The following MAPK8 variants were observed in gnomAD, a reference collection of about 807,000 sequenced individuals.
MAPK8 encodes the protein mitogen-activated protein kinase 8, also known as JUN N-terminal kinase.
Under a neutral mutation model 52.9 loss-of-function variants are expected in MAPK8, and 13 were observed. The observed-to-expected ratio is 0.25, with a 90% confidence interval of 0.16 to 0.39. The LOEUF (loss-of-function observed/expected upper bound fraction) is 0.39, where lower values mean the gene tolerates loss of function less well. MAPK8 is among the 10% of genes least tolerant of loss of function. The pLI is 1.00. For missense variants in MAPK8, 300 were observed against 519.2 expected, an observed-to-expected ratio of 0.58 and a Z score of 4.10; for synonymous variants, 191 against 169.8, an observed-to-expected ratio of 1.12 and a Z score of -0.97.
At chr10:48,388,711 A>C (rs544859892) in intron 1 of MAPK8, among the ~76,000 whole-genome samples, 1 of 152,142 alleles carries the variant, frequency 6.6e-6, no homozygotes, top group Non-Finnish European at 1.5e-5. Flanking sequence ...CCAGGTGAGA[A>C]TGGGAGTAAA....
chr10:48,412,917 A>G (rs1317996751), intron 5 of MAPK8, among the ~76,000 whole-genome samples: 1 of 151,796 alleles, frequency 6.6e-6, no homozygotes, highest in Non-Finnish European at 1.5e-5. Context: ...TGAAGATGCA[A>G]CTCTCCACCC....
chr10:48,372,891 CAA>C (rs1259046506), intron 1 of MAPK8, among the ~76,000 whole-genome samples: 1 of 152,044 alleles, frequency 6.6e-6, no homozygotes, highest in Non-Finnish European at 1.5e-5. Flanking sequence ...GAGAACACCA[CAA>C]AGATATTCCT....
intron 1 of MAPK8, among the ~76,000 whole-genome samples, chr10:48,387,676 C>G (rs561676898): frequency 6.6e-6 from 1 of 152,288 alleles, no homozygotes; most frequent in East Asian, 1.9e-4. Flanking sequence ...TCCTAGGAAG[C>G]TTATGCCCTT....
intron 7 of MAPK8, chr10:48,425,293 C>T (rs1589266921): frequency 3.2e-6 from 2 of 620,252 alleles, no homozygotes; most frequent in Non-Finnish European, 2.9e-6. Context: ...AAATCCTAAC[C>T]TTACAACTTA....
chr10:48,375,210 C>G (rs71221369), intron 1 of MAPK8, among the ~76,000 whole-genome samples: 3 of 152,170 alleles, frequency 2.0e-5, no homozygotes, highest in South Asian at 4.1e-4. Flanking sequence ...TAAATACTCT[C>G]AATAAACTAG....
intron 1 of MAPK8, among the ~76,000 whole-genome samples, chr10:48,352,876 C>CA (rs1224703111): frequency 3.3e-5 from 5 of 152,120 alleles, no homozygotes; most frequent in East Asian, 3.9e-4. Flanking sequence ...AAGTAATCTA[C>CA]AAAAAATCTG....
At chr10:48,313,705 T>A in intron 1 of MAPK8, among the ~76,000 whole-genome samples, 1 of 152,254 alleles carries the variant, frequency 6.6e-6, no homozygotes, top group East Asian at 1.9e-4. Flanking sequence ...TTTTATTTAA[T>A]GTAAGTTGTT....
At chr10:48,405,943 C>A (rs1279927224) in intron 3 of MAPK8, among the ~76,000 whole-genome samples, 1 of 152,058 alleles carries the variant, frequency 6.6e-6, no homozygotes, top group African/African-American at 2.4e-5. Context: ...GGGGAGCTTA[C>A]AATGGTGTTT....
At chr10:48,428,958 A>G (rs1057370776) in intron 10 of MAPK8, among the ~76,000 whole-genome samples, 2 of 151,330 alleles carry the variant, frequency 1.3e-5, no homozygotes, top group African/African-American at 4.9e-5. Flanking sequence ...CGTAGCTGGG[A>G]TCACAGGTGT....
chr10:48,351,415 T>C (rs2132437760), intron 1 of MAPK8, among the ~76,000 whole-genome samples: 1 of 151,838 alleles, frequency 6.6e-6, no homozygotes, highest in African/African-American at 2.4e-5. Context: ...CTCGCTATGG[T>C]GCCCAGGCTG....
chr10:48,408,172 TTA>T (rs2133057458), intron 3 of MAPK8, among the ~76,000 whole-genome samples: 1 of 152,338 alleles, frequency 6.6e-6, no homozygotes, highest in South Asian at 2.1e-4. Context: ...GCAAACATTT[TTA>T]TATGTGTGTC....
intron 1 of MAPK8, among the ~76,000 whole-genome samples, chr10:48,347,560 G>A (rs1845909806): frequency 6.6e-6 from 1 of 152,006 alleles, no homozygotes; most frequent in Non-Finnish European, 1.5e-5. Flanking sequence ...TCCCCACCCC[G>A]CAACAGGCCC....
Position 48,420,332 on chromosome 10 carries a change from C to A in MAPK8, c.616+12C>A. ...CTACAAGGAAAACGGTCAGCACACA[C>A]ATTTATTTGAAATATTTTTCTGATT... On this transcript the variant is annotated intron_variant, in intron 6 of 11. Coordinates refer to ENST00000374189, the MANE Select transcript of MAPK8 (RefSeq NM_001323329.2). The A allele has an allele frequency of 6.4e-7, 1 of 1,551,154 alleles. No homozygotes were observed. Among genetic ancestry groups the A allele is most frequent in the Non-Finnish European group, 8.7e-7 (1 of 1,145,662 alleles).
intron 1 of MAPK8, among the ~76,000 whole-genome samples, chr10:48,313,388 G>A (rs1026727661): frequency 3.4e-5 from 5 of 148,344 alleles, no homozygotes; most frequent in Non-Finnish European, 7.4e-5. Context: ...AGCTGAGATC[G>A]TGCCACTACA....
At chr10:48,414,497 G>A (rs2042952716) in intron 5 of MAPK8, among the ~76,000 whole-genome samples, 1 of 141,216 alleles carries the variant, frequency 7.1e-6, no homozygotes. Context: ...CTGTCACTCA[G>A]GCCAGGATGC....
At chr10:48,413,818 TATATATATATATATATATATATATA>T (rs1564603873) in intron 5 of MAPK8, among the ~76,000 whole-genome samples, 1 of 58,934 alleles carries the variant, frequency 1.7e-5, no homozygotes, top group African/African-American at 6.5e-5. Flanking sequence ...AGAATTGTTA[TATATATATATATATATATATATATA>T]TATATATATA....
At chr10:48,363,835 A>T (rs1033949213) in intron 1 of MAPK8, among the ~76,000 whole-genome samples, 1 of 152,118 alleles carries the variant, frequency 6.6e-6, no homozygotes, top group Non-Finnish European at 1.5e-5. Context: ...CTTTACATAT[A>T]TGTGATGGCA....
chr10:48,352,814 A>G (rs1036044837), intron 1 of MAPK8, among the ~76,000 whole-genome samples: 2 of 152,230 alleles, frequency 1.3e-5, no homozygotes, highest in African/African-American at 2.4e-5. Flanking sequence ...AAAAGGAGAA[A>G]TGAAACACCT....
chr10:48,425,817 C>T, intron 7 of MAPK8, 71 bp from the exon 8 acceptor site: 1 of 279,512 alleles, frequency 3.6e-6, no homozygotes. Context: ...TTTCTATTTT[C>T]TTGTAATATG....
Sources: gnomAD v4.1 joint callset for allele counts (sites outside exome capture counted in the v4.1 genomes callset) on GRCh38, gnomAD v4.1.1 for gene constraint, MANE v1.5 for transcripts, NCBI Gene and HGNC (gene_info 2026-07-23, HGNC 2026-07-21) for gene names.